The following RPS6KC1 variants were observed in gnomAD, a reference collection of about 807,000 sequenced individuals.
RPS6KC1 encodes ribosomal protein S6 kinase C1.
A neutral mutation model predicts 103.8 loss-of-function variants in RPS6KC1; 54 were observed. That is an observed-to-expected ratio of 0.52 (90% CI 0.42 to 0.65). RPS6KC1 has a LOEUF of 0.65. Among genes scored for constraint, RPS6KC1 ranks in the 30% least tolerant of loss-of-function variants. The probability of loss-of-function intolerance (pLI) is 0.00; values close to 1 mark genes in which losing one functional copy is unlikely to be tolerated. For synonymous variants in RPS6KC1, 439 were observed against 438.7 expected, an observed-to-expected ratio of 1.00 and a Z score of -0.01; for missense variants, 1,151 against 1,253.8, an observed-to-expected ratio of 0.92 and a Z score of 1.24.
chr1:213,482,676 G>A, the RPS6KC1 span, among the ~76,000 whole-genome samples: 7,486 of 150,204 alleles, frequency 0.05, 605 homozygotes, highest in African/African-American at 0.17. Flanking sequence ...AGCTGTCTGA[G>A]TAGCTGGGAC....
At chr1:213,759,619 C>T in the RPS6KC1 span, among the ~76,000 whole-genome samples, 60 of 151,566 alleles carry the variant, frequency 4.0e-4, no homozygotes, top group Middle Eastern at 0.01. Context: ...CTGGTAAGTG[C>T]ACATCACCTC....
chr1:213,846,796 G>A, the RPS6KC1 span, among the ~76,000 whole-genome samples: 1 of 152,130 alleles, frequency 6.6e-6, no homozygotes, highest in Non-Finnish European at 1.5e-5. Flanking sequence ...ATGCCATGAT[G>A]AGCATCTGCA....
the RPS6KC1 span, among the ~76,000 whole-genome samples, chr1:213,657,507 T>C: frequency 6.6e-6 from 1 of 152,158 alleles, no homozygotes; most frequent in Non-Finnish European, 1.5e-5. Flanking sequence ...GGACAAATGT[T>C]AGAAGCAGAC....
the RPS6KC1 span, among the ~76,000 whole-genome samples, chr1:213,670,373 T>A: frequency 6.6e-6 from 1 of 152,204 alleles, no homozygotes; most frequent in Non-Finnish European, 1.5e-5. Flanking sequence ...GGGCCTGTTT[T>A]GCTGGAAGAA....
the RPS6KC1 span, among the ~76,000 whole-genome samples, chr1:213,833,500 C>A: frequency 6.6e-6 from 1 of 152,186 alleles, no homozygotes; most frequent in East Asian, 1.9e-4. Flanking sequence ...TCTGAGCTAA[C>A]ACACCCTCCC....
chr1:213,205,502 A>C (rs2093313346), intron 8 of RPS6KC1: 3 of 193,792 alleles, frequency 1.5e-5, no homozygotes, highest in Non-Finnish European at 2.7e-5. Flanking sequence ...ATACCACCAG[A>C]TTATGCAGAT....
the RPS6KC1 span, among the ~76,000 whole-genome samples, chr1:213,540,784 G>A: frequency 6.6e-6 from 1 of 151,058 alleles, no homozygotes; most frequent in African/African-American, 2.4e-5. Context: ...CAAAATTGGA[G>A]TCAATCCTCT....
At chr1:213,550,715 G>T in the RPS6KC1 span, among the ~76,000 whole-genome samples, 3 of 152,160 alleles carry the variant, frequency 2.0e-5, no homozygotes, top group African/African-American at 7.2e-5. Context: ...ATCTATCTCT[G>T]TAAATCTCAT....
the RPS6KC1 span, among the ~76,000 whole-genome samples, chr1:213,291,621 GC>G: frequency 2.6e-5 from 4 of 152,208 alleles, no homozygotes; most frequent in Non-Finnish European, 5.9e-5. Flanking sequence ...GAAAATTGGA[GC>G]CCAGAGAGAC....
At chr1:213,249,321 C>A (rs554200113) in intron 12 of RPS6KC1, among the ~76,000 whole-genome samples, 63 of 152,296 alleles carry the variant, frequency 4.1e-4, no homozygotes, top group Non-Finnish European at 7.8e-4. Context: ...TTCTGTATCC[C>A]ATAACATTTT....
the RPS6KC1 span, among the ~76,000 whole-genome samples, chr1:213,585,443 C>T: frequency 6.6e-6 from 1 of 152,196 alleles, no homozygotes; most frequent in Admixed American, 6.5e-5. Context: ...CCATATCCCA[C>T]AAGTCCTCAG....
chr1:213,423,858 A>G, the RPS6KC1 span, among the ~76,000 whole-genome samples: 10 of 152,376 alleles, frequency 6.6e-5, no homozygotes, highest in Admixed American at 2.0e-4. Context: ...GCTCTTCTGC[A>G]CAACGAGATT....
intron 8 of RPS6KC1, among the ~76,000 whole-genome samples, chr1:213,193,165 AT>A (rs1223013889): frequency 1.3e-5 from 2 of 151,474 alleles, no homozygotes; most frequent in African/African-American, 4.9e-5. Flanking sequence ...CAAAGAATGT[AT>A]TTTCTATAGC....
the RPS6KC1 span, among the ~76,000 whole-genome samples, chr1:213,368,273 T>C: frequency 5.3e-4 from 80 of 152,322 alleles, no homozygotes; most frequent in African/African-American, 1.9e-3. Context: ...GAAGGGGCTT[T>C]AATGATGGGG....
chr1:213,072,955 A>G (rs2079014127), intron 2 of RPS6KC1: 1 of 952,038 alleles, frequency 1.1e-6, no homozygotes, highest in Non-Finnish European at 1.3e-6. Flanking sequence ...TATAATAACA[A>G]CTGTTGGTGA....
chr1:213,115,106 T>G (rs939269641), intron 4 of RPS6KC1, among the ~76,000 whole-genome samples: 6 of 152,248 alleles, frequency 3.9e-5, no homozygotes, highest in African/African-American at 7.2e-5. Flanking sequence ...TTCTATTGAT[T>G]GGAATAGTTT....
intron 5 of RPS6KC1, among the ~76,000 whole-genome samples, chr1:213,124,412 C>T (rs1358705409): frequency 4.6e-5 from 7 of 152,106 alleles, no homozygotes; most frequent in Non-Finnish European, 8.8e-5. Flanking sequence ...TCCTTCCTAC[C>T]TAGACTGAGA....
chr1:213,682,054 G>A, the RPS6KC1 span, among the ~76,000 whole-genome samples: 3,838 of 152,156 alleles, frequency 0.025, 168 homozygotes, highest in African/African-American at 0.081. Context: ...CTTTGATTAC[G>A]CTGTTCCTGC....
intron 8 of RPS6KC1, among the ~76,000 whole-genome samples, chr1:213,214,317 C>T (rs1385158348): frequency 3.3e-5 from 5 of 152,238 alleles, no homozygotes; most frequent in Admixed American, 6.5e-5. Context: ...AAGGCGGCAG[C>T]GAGGCTGGGG....
Sources: allele counts gnomAD v4.1 joint callset (sites outside exome capture counted in the v4.1 genomes callset), GRCh38; gene constraint gnomAD v4.1.1; transcripts MANE v1.5; gene names NCBI Gene and HGNC (gene_info 2026-07-23, HGNC 2026-07-21).